BCAT1: variants seen among roughly 807,000 people sequenced by gnomAD.
BCAT1 encodes the protein branched chain amino acid transaminase 1.
In BCAT1, 48 loss-of-function variants were observed where a neutral mutation model predicts 52.4. The observed-to-expected ratio is 0.92, with a 90% CI of 0.73 to 1.16. BCAT1 has a LOEUF of 1.16. Ranked by LOEUF, BCAT1 falls within the 50% of genes most tolerant of loss-of-function variation. The pLI, the probability that BCAT1 is intolerant of heterozygous loss-of-function variation, is 0.00. For missense variants in BCAT1, 451 were observed against 457.1 expected (o/e 0.99, Z 0.12); for synonymous variants, 167 against 161.3 (o/e 1.04, Z -0.27).
chr12:24,903,120 C>A, intron 1 of BCAT1: 4 of 1,323,210 alleles, frequency 3.0e-6, no homozygotes, highest in South Asian at 4.1e-5. Context: ...GACCTGGGGC[C>A]GCGCGCCAGG....
chr12:24,886,396 C>T (rs983788818), intron 3 of BCAT1, among the ~76,000 whole-genome samples: 1 of 152,126 alleles, frequency 6.6e-6, no homozygotes, highest in African/African-American at 2.4e-5. Context: ...ACAGCAAGAC[C>T]TTGTCTCAAA....
intron 1 of BCAT1, among the ~76,000 whole-genome samples, chr12:24,928,554 C>T (rs1391175668): frequency 6.8e-6 from 1 of 147,334 alleles, no homozygotes; most frequent in Non-Finnish European, 1.5e-5. Context: ...GTGGTAGGAT[C>T]ACTTGAGCCC....
intron 4 of BCAT1, among the ~76,000 whole-genome samples, chr12:24,879,925 C>T (rs1942447392): frequency 6.6e-6 from 1 of 152,202 alleles, no homozygotes; most frequent in Admixed American, 6.5e-5. Flanking sequence ...ACAAATATTA[C>T]TTCCCTTTCC....
At chr12:24,917,195 CTTTTTTTTT>C (rs60491814) in intron 1 of BCAT1, among the ~76,000 whole-genome samples, 1 of 103,554 alleles carries the variant, frequency 9.7e-6, no homozygotes, top group African/African-American at 4.0e-5. Flanking sequence ...GAGCTTTGGA[CTTTTTTTTT>C]TTTTTTTTTT....
intron 5 of BCAT1, among the ~76,000 whole-genome samples, chr12:24,867,369 G>GT (rs1942054536): frequency 9.0e-6 from 1 of 110,726 alleles, no homozygotes; most frequent in Non-Finnish European, 1.8e-5. Flanking sequence ...CCTTTAACAT[G>GT]TTTGAGATCT....
intron 6 of BCAT1, among the ~76,000 whole-genome samples, chr12:24,845,086 C>T (rs930218623): frequency 6.6e-6 from 1 of 151,030 alleles, no homozygotes; most frequent in African/African-American, 2.4e-5. Context: ...TGGTGGACCA[C>T]GCCTGTAATC....
chr12:24,937,943 G>A (rs1245177777), intron 1 of BCAT1, among the ~76,000 whole-genome samples: 1 of 152,202 alleles, frequency 6.6e-6, no homozygotes, highest in East Asian at 1.9e-4. Flanking sequence ...ATGGCCATAG[G>A]GGTAGCTGGC....
At chr12:24,918,981 A>G (rs1403090202) in intron 1 of BCAT1, among the ~76,000 whole-genome samples, 11 of 152,230 alleles carry the variant, frequency 7.2e-5, no homozygotes, top group Non-Finnish European at 4.4e-5. Flanking sequence ...TGCTTAGTAC[A>G]CAGTCAGATA....
intron 8 of BCAT1, chr12:24,834,054 G>T (rs1940817868): frequency 4.3e-6 from 3 of 694,828 alleles, no homozygotes; most frequent in Non-Finnish European, 5.3e-6. Context: ...CTGGGCTCAT[G>T]TGATCCTCCC....
chr12:24,921,932 C>T (rs1272313128), intron 1 of BCAT1, among the ~76,000 whole-genome samples: 1 of 152,124 alleles, frequency 6.6e-6, no homozygotes, highest in African/African-American at 2.4e-5. Context: ...AAAAGTAAAC[C>T]TCCCAAAGGA....
intron 3 of BCAT1, among the ~76,000 whole-genome samples, chr12:24,892,172 G>A (rs1279021158): frequency 6.6e-6 from 1 of 151,994 alleles, no homozygotes; most frequent in East Asian, 1.9e-4. Context: ...TATTCAGGAT[G>A]GAGTCACTCT....
At chr12:24,866,824 T>C (rs987376924) in intron 5 of BCAT1, among the ~76,000 whole-genome samples, 4 of 152,058 alleles carry the variant, frequency 2.6e-5, no homozygotes, top group Non-Finnish European at 5.9e-5. Context: ...CTCTGTAAAA[T>C]GGACCAATCA....
At chr12:24,881,818 A>G (rs1379736235) in intron 3 of BCAT1, among the ~76,000 whole-genome samples, 1 of 152,132 alleles carries the variant, frequency 6.6e-6, no homozygotes, top group Non-Finnish European at 1.5e-5. Context: ...ATATCCTTTC[A>G]TGTAATCTGG....
At chr12:24,883,903 T>C (rs1280994361) in intron 3 of BCAT1, among the ~76,000 whole-genome samples, 1 of 152,122 alleles carries the variant, frequency 6.6e-6, no homozygotes, top group African/African-American at 2.4e-5. Context: ...GAGATGGAGC[T>C]CAGGTGGTAA....
intron 3 of BCAT1, among the ~76,000 whole-genome samples, chr12:24,888,738 G>A (rs1419319706): frequency 6.6e-6 from 1 of 152,036 alleles, no homozygotes; most frequent in Non-Finnish European, 1.5e-5. Context: ...AATGATACAG[G>A]AGTTAAGAAA....
chr12:24,835,520 C>T (rs945558450), intron 8 of BCAT1, among the ~76,000 whole-genome samples: 3 of 151,986 alleles, frequency 2.0e-5, no homozygotes, highest in African/African-American at 4.8e-5. Context: ...TACATTACGT[C>T]ATTTCCAAAA....
chr12:24,890,027 C>T (rs973478167), intron 3 of BCAT1, among the ~76,000 whole-genome samples: 25 of 152,134 alleles, frequency 1.6e-4, no homozygotes, highest in African/African-American at 5.8e-4. Flanking sequence ...CTCTATCCCC[C>T]GATACCTCAC....
intron 8 of BCAT1, among the ~76,000 whole-genome samples, chr12:24,835,951 C>T (rs1318567077): frequency 6.6e-6 from 1 of 152,128 alleles, no homozygotes; most frequent in Non-Finnish European, 1.5e-5. Context: ...CTGAAAACAA[C>T]TTTACATTTG....
At chr12:24,852,062 T>C (rs1198422322) in intron 5 of BCAT1, among the ~76,000 whole-genome samples, 4 of 152,086 alleles carry the variant, frequency 2.6e-5, no homozygotes, top group Non-Finnish European at 5.9e-5. Flanking sequence ...TGAGTTCTCC[T>C]GAGATCTGAT....
Sources: gnomAD v4.1 joint callset for allele counts (sites outside exome capture counted in the v4.1 genomes callset) on GRCh38, gnomAD v4.1.1 for gene constraint, MANE v1.5 for transcripts, NCBI Gene and HGNC (gene_info 2026-07-23, HGNC 2026-07-21) for gene names.